The following DIAPH2 variants were observed in gnomAD, a reference collection of about 807,000 sequenced individuals.
DIAPH2 encodes the protein diaphanous related formin 2.
DIAPH2 carries 35 observed loss-of-function variants against 92.7 expected under a neutral mutation model. The ratio of observed to expected loss-of-function variants is 0.38; its 90% confidence interval spans 0.29 to 0.50. The LOEUF is 0.50. Ranked by LOEUF, DIAPH2 falls within the 20% of genes least tolerant of loss-of-function variation. The pLI, the probability that DIAPH2 is intolerant of heterozygous loss-of-function variation, is 0.94. For synonymous variants in DIAPH2, 301 were observed against 280.4 expected (o/e 1.07, Z -0.73); for missense variants, 701 against 819.5 (o/e 0.86, Z 1.77).
At chrX:97,393,869 A>G (rs73552473) in intron 25 of DIAPH2, among the ~76,000 whole-genome samples, 1,986 of 111,862 alleles carry the variant, frequency 0.018, 43 homozygotes, top group African/African-American at 0.061. Flanking sequence ...CTCCTTGTAT[A>G]AGATTATATG....
intron 26 of DIAPH2, among the ~76,000 whole-genome samples, chrX:97,536,564 A>G (rs2071097609): frequency 8.9e-6 from 1 of 112,045 alleles, no homozygotes; most frequent in Non-Finnish European, 1.9e-5. Context: ...CAAATTACCA[A>G]TGTCTTCAAA....
Position 96,783,404 on chromosome X carries a change from C to T in DIAPH2, c.447+25146C>T, listed in dbSNP as rs560415050. Reference sequence around the variant, plus strand: ...AGAGACCAAGAAGGAAGAGAGTGAACATGATCGTTCATAGTGGTAACATCG... The same window carrying T: ...AGAGACCAAGAAGGAAGAGAGTGAATATGATCGTTCATAGTGGTAACATCG... On this transcript the variant is annotated intron_variant, in intron 4 of 26. Coordinates refer to ENST00000324765, the MANE Select transcript of DIAPH2 (RefSeq NM_006729.5). Among the ~76,000 whole-genome samples, 5 of 112,324 alleles carry T rather than the reference C, an allele frequency of 4.5e-5. 1 individual carries two copies. Among genetic ancestry groups the T allele is most frequent in the African/African-American group, 1.6e-4 (5 of 30,964 alleles).
At chrX:96,981,194 C>T (rs927337974) in intron 17 of DIAPH2, among the ~76,000 whole-genome samples, 1 of 109,358 alleles carries the variant, frequency 9.1e-6, no homozygotes, top group African/African-American at 3.3e-5. Flanking sequence ...AAATTGTATA[C>T]ATAATCACAT....
chrX:97,047,103 A>T (rs749434800), intron 17 of DIAPH2, among the ~76,000 whole-genome samples: 3 of 111,510 alleles, frequency 2.7e-5, no homozygotes, highest in African/African-American at 9.8e-5. Context: ...CAGTTGCTAC[A>T]GTCTTTAGTA....
intron 26 of DIAPH2, among the ~76,000 whole-genome samples, chrX:97,462,349 T>A: frequency 8.9e-6 from 1 of 112,055 alleles, no homozygotes; most frequent in African/African-American, 3.2e-5. Flanking sequence ...TACAAACATT[T>A]GTCTGACAAT....
intron 4 of DIAPH2, among the ~76,000 whole-genome samples, chrX:96,859,127 T>C (rs2065057311): frequency 9.0e-6 from 1 of 111,312 alleles, no homozygotes; most frequent in Non-Finnish European, 1.9e-5. Context: ...ATCAATACCA[T>C]TTCCTTATAA....
At chrX:97,123,802 G>C (rs1178654726) in intron 21 of DIAPH2, among the ~76,000 whole-genome samples, 5 of 112,482 alleles carry the variant, frequency 4.4e-5, no homozygotes, top group Non-Finnish European at 9.4e-5. Context: ...GTAATCCTAT[G>C]AATACGCTAC....
At chrX:96,755,855 T>G (rs745411200) in intron 3 of DIAPH2, among the ~76,000 whole-genome samples, 9 of 109,834 alleles carry the variant, frequency 8.2e-5, no homozygotes, top group Non-Finnish European at 1.7e-4. Context: ...TTTTGCTTTT[T>G]CTTTCTTTCT....
chrX:97,078,800 C>T (rs1409028853), intron 19 of DIAPH2, among the ~76,000 whole-genome samples: 1 of 110,864 alleles, frequency 9.0e-6, no homozygotes, highest in African/African-American at 3.3e-5. Context: ...TTAAGGTAGT[C>T]TTCCTGGAAG....
chrX:97,207,195 C>T (rs2067804238), intron 22 of DIAPH2, among the ~76,000 whole-genome samples: 2 of 111,488 alleles, frequency 1.8e-5, no homozygotes, highest in African/African-American at 6.5e-5. Flanking sequence ...TTTGTCTAAT[C>T]GCTTATGAAG....
intron 26 of DIAPH2, among the ~76,000 whole-genome samples, chrX:97,514,081 C>G (rs2147839723): frequency 9.3e-6 from 1 of 107,302 alleles, no homozygotes; most frequent in South Asian, 4.1e-4. Context: ...GGGAAATTCT[C>G]CTGGATAATA....
At chrX:97,348,053 A>G in intron 23 of DIAPH2, 63 bp from the exon 24 acceptor site, 1 of 1,032,195 alleles carries the variant, frequency 9.7e-7, no homozygotes, top group Non-Finnish European at 1.3e-6. Flanking sequence ...TTTAATCTTA[A>G]CATCTAGTGA....
In DIAPH2 at chrX:97,524,879, G is replaced by A. The variant is rs190576361; in HGVS notation, c.3242-74374G>A. On this transcript the variant is annotated intron_variant, in intron 26 of 26. Coordinates refer to ENST00000324765, the MANE Select transcript of DIAPH2 (RefSeq NM_006729.5). Reference sequence around the variant, plus strand: ...CTATATGCAAATCATTTCTAACTCCGTAGCTATAGCCTACAGTTCTTCCTG... The same window carrying A: ...CTATATGCAAATCATTTCTAACTCCATAGCTATAGCCTACAGTTCTTCCTG... Among the ~76,000 whole-genome samples the A allele has an allele frequency of 1.2e-3, 138 of 111,985 alleles. 1 individual carries two copies. The highest frequency in any genetic ancestry group is 4.3e-3 in the Admixed American group (45 of 10,526).
intron 4 of DIAPH2, among the ~76,000 whole-genome samples, chrX:96,785,169 G>A (rs1319998825): frequency 1.8e-5 from 2 of 111,904 alleles, no homozygotes; most frequent in African/African-American, 6.5e-5. Flanking sequence ...AATATAAGCA[G>A]AAATATCTGC....
At chrX:96,798,725 A>G (rs1320961506) in intron 4 of DIAPH2, among the ~76,000 whole-genome samples, 1 of 111,973 alleles carries the variant, frequency 8.9e-6, no homozygotes, top group African/African-American at 3.2e-5. Context: ...TCTAGCAGGT[A>G]GTTAACTTAC....
Position 96,809,341 on chromosome X carries a change from TAA to T in DIAPH2, c.447+51095_447+51096del, listed in dbSNP as rs72177977. On this transcript the variant is annotated intron_variant, in intron 4 of 26. Coordinates refer to ENST00000324765, the MANE Select transcript of DIAPH2 (RefSeq NM_006729.5). ...GCGGTCTTTAAAAAAAAAATGTGGT[TAA>T]AAAAAAAAAAACATAACCTGAGATC... Among the ~76,000 whole-genome samples the T allele has an allele frequency of 1.7e-4, 17 of 99,355 alleles. No homozygotes were observed. In the South Asian group the frequency reaches 5.8e-3, roughly 34 times the overall value. 86.3% of individuals were successfully genotyped at this position (99,355 alleles called of 115,157 possible). A position where few individuals can be genotyped will look rare whatever the true frequency, so the allele number is the denominator to read the frequency against.
At position 97,140,751 on chromosome X, in the gene DIAPH2, T is replaced by C. The variant is rs765749099; in HGVS notation, c.2590-914T>C. 3.6e-5 allele frequency among the ~76,000 whole-genome samples: 4 copies of C among 112,000 alleles called. No homozygotes were observed. The East Asian group carries it at 1.1e-3, about 31-fold the overall frequency. ...TTTACTCTGTTACCTAAATATCCTG[T>C]ACAGCCTTTTCATAAACCTGTTTGT... On this transcript the variant is annotated intron_variant, in intron 21 of 26. Coordinates refer to ENST00000324765, the MANE Select transcript of DIAPH2 (RefSeq NM_006729.5).
chrX:97,343,276 A>G (rs1005821267), intron 23 of DIAPH2, among the ~76,000 whole-genome samples: 1 of 111,942 alleles, frequency 8.9e-6, no homozygotes, highest in Non-Finnish European at 1.9e-5. Context: ...TCATCAATAT[A>G]GATGATATTT....
At chrX:97,523,714 G>C (rs2147846771) in intron 26 of DIAPH2, among the ~76,000 whole-genome samples, 1 of 111,248 alleles carries the variant, frequency 9.0e-6, no homozygotes, top group African/African-American at 3.2e-5. Flanking sequence ...ATTAAAAATA[G>C]TACTTGAAAT....
Sources: gnomAD v4.1 joint callset for allele counts (sites outside exome capture counted in the v4.1 genomes callset) on GRCh38, gnomAD v4.1.1 for gene constraint, MANE v1.5 for transcripts, NCBI Gene and HGNC (gene_info 2026-07-23, HGNC 2026-07-21) for gene names.